Variants in PAPPA observed in about 807,000 individuals in gnomAD.
PAPPA encodes pappalysin 1.
PAPPA carries 60 observed loss-of-function variants against 164.0 expected under a neutral mutation model. That is an observed-to-expected ratio of 0.37 (90% CI 0.30 to 0.45). The LOEUF (loss-of-function observed/expected upper bound fraction) is 0.45. Among genes scored for constraint, PAPPA ranks in the 20% least tolerant of loss-of-function variants. PAPPA has a pLI of 1.00. For synonymous variants in PAPPA, 875 were observed against 814.1 expected, an observed-to-expected ratio of 1.07 and a Z score of -1.27; for missense variants, 1,782 against 2,087.3, an observed-to-expected ratio of 0.85 and a Z score of 2.85.
rs1023213977 is a variant in PAPPA at position 116,154,518 on chromosome 9, C to T, written c.346C>T (p.Arg116Trp). ...LRLRADLELP[R>W]DAFTLQVWLR... ...CCTCCGGGCCGACCTCGAGCTGCCC[C>T]GGGACGCGTTCACGCTGCAAGTGTG... The change falls in exon 1 of 22, where the codon CGG becomes TGG. Residue 116 changes from arginine to tryptophan, a missense_variant. Transcript: ENST00000328252. This position sits in a 1 kb window ranked among gnomAD's most constrained non-coding sequence, Gnocchi z 5.2. 4 of 1,399,920 alleles carry T rather than the reference C, an allele frequency of 2.9e-6. No homozygotes were observed. The highest frequency in any genetic ancestry group is 3.7e-6 in the Non-Finnish European group (4 of 1,075,410). 86.7% of individuals were successfully genotyped at this position (1,399,920 alleles called of 1,614,324 possible).
chr9:116,318,765 T>A (rs1017467763), intron 10 of PAPPA: 5 of 152,106 alleles, frequency 3.3e-5, no homozygotes, highest in African/African-American at 4.8e-5. Flanking sequence ...ACAATAATAA[T>A]AATTAAAACA....
At chr9:116,268,269 C>T (rs1845094988) in intron 8 of PAPPA, among the ~76,000 whole-genome samples, 1 of 152,152 alleles carries the variant, frequency 6.6e-6, no homozygotes, top group African/African-American at 2.4e-5. Context: ...AGCAACAGAA[C>T]AAGAAGATAC....
chr9:116,347,455 AAAAG>A lies in PAPPA; in HGVS notation c.3964+252_3964+255del, dbSNP rs368560761. On this transcript the variant is annotated intron_variant, in intron 15 of 21. Transcript: ENST00000328252. This position sits in a 1 kb window ranked among gnomAD's most constrained non-coding sequence, Gnocchi z 4.5. ...AGACCTTGGAAATCTTGCAAAAAAG[AAAAG>A]AAAGAGAGGATAAAAGTGAAGAAGG... 9.5e-4 allele frequency among the ~76,000 whole-genome samples: 145 copies of A among 152,348 alleles called. No individual in the cohort carries two copies. Among genetic ancestry groups the A allele is most frequent in the Non-Finnish European group, 1.8e-3 (120 of 68,034 alleles).
chr9:116,401,960 GCTC>G lies in PAPPA; in HGVS notation c.*5347_*5349del, dbSNP rs1199822531. 6.6e-6 allele frequency: 1 copy of G among 151,904 alleles called. No individual in the cohort carries two copies. Among genetic ancestry groups the G allele is most frequent in the Non-Finnish European group, 1.5e-5 (1 of 67,854 alleles). 9.4% of individuals were successfully genotyped at this position (151,904 alleles called of 1,614,324 possible). On this transcript the variant is annotated 3_prime_UTR_variant, in exon 22 of 22. Coordinates refer to ENST00000328252, the MANE Select transcript of PAPPA (RefSeq NM_002581.5). The stretch of plus-strand genomic sequence containing the variant: ...TGTACCTCACGCGCATAAATTTGCT[GCTC>G]CTATTTTTTTTTCTGTTTATGTGTT...
Position 116,259,581 on chromosome 9 carries a change from A to G in PAPPA, c.2733-6276A>G, listed in dbSNP as rs566982774. On this transcript the variant is annotated intron_variant, in intron 7 of 21. Transcript: ENST00000328252. ...GTTAGTAATCAGGGAAAGGCAAAAT[A>G]AAACAATAATTAAGTATCATTTAGT... Among the ~76,000 whole-genome samples the G allele has an allele frequency of 4.6e-5, 7 of 152,366 alleles. No homozygotes were observed. The South Asian group carries it at 1.0e-3, about 23-fold the overall frequency.
At chr9:116,384,217 G>A (rs1447331349) in intron 21 of PAPPA, among the ~76,000 whole-genome samples, 8 of 151,426 alleles carry the variant, frequency 5.3e-5, no homozygotes, top group African/African-American at 1.9e-4. Context: ...CTTGGGACCA[G>A]GAGTTGGAGA....
intron 9 of PAPPA, among the ~76,000 whole-genome samples, chr9:116,282,330 T>A (rs1219519781): frequency 6.6e-6 from 1 of 152,190 alleles, no homozygotes; most frequent in Admixed American, 6.5e-5. Context: ...ACATGTTTAG[T>A]ACAGATAGAA....
intron 6 of PAPPA, among the ~76,000 whole-genome samples, chr9:116,230,472 T>C (rs1284288546): frequency 2.0e-5 from 3 of 152,310 alleles, no homozygotes; most frequent in East Asian, 1.9e-4. Flanking sequence ...CTACTATTGA[T>C]GTACTCTGTG....
intron 20 of PAPPA, among the ~76,000 whole-genome samples, chr9:116,381,883 C>T (rs561586566): frequency 2.6e-5 from 4 of 152,340 alleles, no homozygotes; most frequent in Admixed American, 2.6e-4. Flanking sequence ...CCCACTATCA[C>T]ACACAGACCA....
chr9:116,334,753 G>T, intron 12 of PAPPA, 108 bp from the exon 13 acceptor site: 1 of 713,280 alleles, frequency 1.4e-6, no homozygotes. Flanking sequence ...GTGCTTTTGT[G>T]CAGTGACATG....
chr9:116,330,536 T>C (rs1003440102), intron 10 of PAPPA, among the ~76,000 whole-genome samples: 2 of 152,178 alleles, frequency 1.3e-5, no homozygotes, highest in African/African-American at 4.8e-5. Context: ...TGCTTGTCTA[T>C]AAATGTTTCC....
chr9:116,278,133 G>A (rs1045073318), intron 9 of PAPPA, among the ~76,000 whole-genome samples: 1 of 151,942 alleles, frequency 6.6e-6, no homozygotes, highest in Non-Finnish European at 1.5e-5. Flanking sequence ...CATCTAGGCA[G>A]AGTCTACACA....
At chr9:116,303,076 T>C in intron 10 of PAPPA, 126 bp downstream of exon 10, 1 of 687,672 alleles carries the variant, frequency 1.5e-6, no homozygotes, top group Non-Finnish European at 2.4e-6. Context: ...TTATTAAATG[T>C]ACTGTTAGGG....
chr9:116,285,697 T>A (rs1845330437), intron 9 of PAPPA: 1 of 152,214 alleles, frequency 6.6e-6, no homozygotes. Flanking sequence ...ATATCTCCCC[T>A]CTCACTAGGA....
intron 1 of PAPPA, among the ~76,000 whole-genome samples, chr9:116,173,537 T>C (rs1389584909): frequency 6.6e-6 from 1 of 152,236 alleles, no homozygotes; most frequent in Admixed American, 6.5e-5. Flanking sequence ...TTAGATCTTT[T>C]GGCATGTCAT....
chr9:116,300,101 G>A (rs1352935815), intron 9 of PAPPA, among the ~76,000 whole-genome samples: 1 of 152,028 alleles, frequency 6.6e-6, no homozygotes, highest in Non-Finnish European at 1.5e-5. Context: ...TATACGATAT[G>A]TAGAGTGGCC....
chr9:116,212,041 G>T (rs1310602807), intron 4 of PAPPA, 109 bp downstream of exon 4: 6 of 930,812 alleles, frequency 6.4e-6, no homozygotes, highest in South Asian at 1.6e-5. Flanking sequence ...AAGGATGGAA[G>T]GCCTAGCTCT....
chr9:116,336,783 C>T (rs2118960375), intron 13 of PAPPA, among the ~76,000 whole-genome samples: 1 of 152,310 alleles, frequency 6.6e-6, no homozygotes, highest in African/African-American at 2.4e-5. Context: ...TTCCCCTTCT[C>T]TGGGCCTCAG....
chr9:116,232,257 T>G (rs1844607840), intron 6 of PAPPA, among the ~76,000 whole-genome samples: 1 of 152,138 alleles, frequency 6.6e-6, no homozygotes, highest in African/African-American at 2.4e-5. Context: ...AACCTTAACT[T>G]ACACTCTCTC....
Sources: gnomAD v4.1 joint callset for allele counts (sites outside exome capture counted in the v4.1 genomes callset) on GRCh38, gnomAD v4.1.1 for gene constraint, Gnocchi (gnomAD v3.1) non-coding constraint, MANE v1.5 for transcripts, NCBI Gene and HGNC (gene_info 2026-07-23, HGNC 2026-07-21) for gene names.